Variants in MYOM1 observed in about 807,000 individuals in gnomAD.
MYOM1 encodes myomesin-1.
Under a neutral mutation model 205.3 loss-of-function variants are expected in MYOM1, and 164 were observed. The observed-to-expected ratio is 0.80, with a 90% CI of 0.70 to 0.91. The LOEUF (loss-of-function observed/expected upper bound fraction) is 0.91, where lower values mean the gene tolerates loss of function less well. Ranked by LOEUF, MYOM1 falls within the 40% of genes least tolerant of loss-of-function variation. MYOM1 has a pLI of 0.00. For synonymous variants in MYOM1, 772 were observed against 789.4 expected, an observed-to-expected ratio of 0.98 and a Z score of 0.37; for missense variants, 2,011 against 2,127.3, an observed-to-expected ratio of 0.95 and a Z score of 1.08.
intron 10 of MYOM1, among the ~76,000 whole-genome samples, chr18:3,157,273 C>T (rs1260972811): frequency 6.6e-6 from 1 of 152,184 alleles, no homozygotes; most frequent in African/African-American, 2.4e-5. Context: ...TTGCTTGGAA[C>T]TGAGGTGGGC....
chr18:3,174,763 T>A (rs1441311336), intron 6 of MYOM1, among the ~76,000 whole-genome samples: 1 of 152,100 alleles, frequency 6.6e-6, no homozygotes, highest in Non-Finnish European at 1.5e-5. Context: ...TTGGTCTATG[T>A]GTTCTAGCTT....
chr18:3,084,528 C>T (rs79700713), intron 31 of MYOM1, among the ~76,000 whole-genome samples: 5,663 of 152,240 alleles, frequency 0.037, 140 homozygotes, highest in African/African-American at 0.069. Flanking sequence ...TGTTTGTTAG[C>T]AATATTGTTT....
chr18:3,091,866 G>C (rs1179988082), intron 26 of MYOM1, among the ~76,000 whole-genome samples: 2 of 151,808 alleles, frequency 1.3e-5, no homozygotes, highest in Non-Finnish European at 2.9e-5. Flanking sequence ...TGAGTAGCTG[G>C]GACTACAGGC....
the MYOM1 span, among the ~76,000 whole-genome samples, chr18:3,228,340 G>C: frequency 6.6e-6 from 1 of 152,144 alleles, no homozygotes; most frequent in East Asian, 1.9e-4. This position sits in a 1 kb window ranked among gnomAD's most constrained non-coding sequence, Gnocchi z 4.5. Context: ...GCTGTGGCTG[G>C]AGACACTTAC....
chr18:3,174,060 T>C (rs1368552508), intron 7 of MYOM1, 60 bp from the exon 8 acceptor site: 31 of 1,601,864 alleles, frequency 1.9e-5, no homozygotes, highest in Non-Finnish European at 2.6e-5. Context: ...TTTAAAACCA[T>C]GGGAAGAAAT....
At chr18:3,191,918 A>C (rs9949449) in intron 3 of MYOM1, among the ~76,000 whole-genome samples, 7,463 of 152,090 alleles carry the variant, frequency 0.049, 538 homozygotes, top group African/African-American at 0.16. Context: ...GGATGGTCTC[A>C]ATCTCCTGAC....
chr18:3,136,092 AAGG>A (rs2079957808), intron 14 of MYOM1, among the ~76,000 whole-genome samples: 1 of 148,674 alleles, frequency 6.7e-6, no homozygotes, highest in South Asian at 2.2e-4. Flanking sequence ...ATGGTTTTAT[AAGG>A]AGAAACCTCT....
intron 2 of MYOM1, among the ~76,000 whole-genome samples, chr18:3,203,480 C>T (rs1307225468): frequency 1.3e-5 from 2 of 151,604 alleles, no homozygotes; most frequent in East Asian, 1.9e-4. Flanking sequence ...TTAAGAGGCT[C>T]ACAAAGAAAT....
Position 3,218,871 on chromosome 18 carries a change from C to G in MYOM1, c.-29+932G>C, listed in dbSNP as rs184828408. ...TTACTCTCTTTATTTCTATTTCTCC[C>G]AAATACATTTATTTTTAATAATACT... On this transcript the variant is annotated intron_variant, in intron 1 of 37. Coordinates refer to ENST00000356443, the MANE Select transcript of MYOM1 (RefSeq NM_003803.4). Among the ~76,000 whole-genome samples, 413 of 152,234 alleles carry G rather than the reference C, an allele frequency of 2.7e-3. 10 individuals carry two copies. Among genetic ancestry groups the G allele is most frequent in the East Asian group, 5.8e-4 (3 of 5,186 alleles).
intron 3 of MYOM1, among the ~76,000 whole-genome samples, chr18:3,192,995 G>A (rs891749288): frequency 3.3e-5 from 5 of 152,046 alleles, no homozygotes; most frequent in African/African-American, 1.2e-4. Context: ...CAGGCCAGGT[G>A]TGGTGGCTCA....
intron 36 of MYOM1, 99 bp from the exon 37 acceptor site, chr18:3,071,988 T>C (rs1361584005): frequency 1.0e-6 from 1 of 1,000,430 alleles, no homozygotes; most frequent in Non-Finnish European, 1.5e-6. Context: ...TTTAGTTTCC[T>C]TCTCCTGATA....
chr18:3,211,401 A>G (rs527749664), intron 2 of MYOM1, among the ~76,000 whole-genome samples: 2 of 152,280 alleles, frequency 1.3e-5, no homozygotes, highest in South Asian at 4.1e-4. Flanking sequence ...AAATCCGATG[A>G]AAACTACAGT....
chr18:3,144,298 T>C (rs879537404), intron 13 of MYOM1, among the ~76,000 whole-genome samples: 1 of 152,098 alleles, frequency 6.6e-6, no homozygotes, highest in African/African-American at 2.4e-5. Context: ...AAAAGATGTA[T>C]ATTATAAATT....
At chr18:3,205,813 C>G (rs2081117715) in intron 2 of MYOM1, among the ~76,000 whole-genome samples, 2 of 152,096 alleles carry the variant, frequency 1.3e-5, no homozygotes, top group African/African-American at 4.8e-5. Context: ...CACTGAAATC[C>G]TCACGGGTTT....
chr18:3,215,142 GACTC>G lies in MYOM1; in HGVS notation c.78_81del (p.Ser27ThrfsTer51). 6.2e-7 allele frequency: 1 copy of G among 1,613,856 alleles called. No individual in the cohort carries two copies. Among genetic ancestry groups the G allele is most frequent in the Non-Finnish European group, 8.5e-7 (1 of 1,179,852 alleles). ...GAGCGTTTCTTCTCCCGCTGGTAGT[GACTC>G]ACGGTGCTGCGCACGTCCTTGTTGC... On this transcript the variant is annotated frameshift_variant, in exon 2 of 38. Coordinates refer to ENST00000356443, the MANE Select transcript of MYOM1 (RefSeq NM_003803.4). LOFTEE classifies it high-confidence loss of function.
chr18:3,099,630 GAA>G (rs1397935993), intron 25 of MYOM1, among the ~76,000 whole-genome samples: 1 of 152,120 alleles, frequency 6.6e-6, no homozygotes, highest in Non-Finnish European at 1.5e-5. Flanking sequence ...CTTTTATGTA[GAA>G]GGTGCTTTAT....
At chr18:3,106,362 A>C (rs2079451340) in intron 22 of MYOM1, among the ~76,000 whole-genome samples, 1 of 152,220 alleles carries the variant, frequency 6.6e-6, no homozygotes, top group Admixed American at 6.5e-5. Context: ...TTTTAAATAA[A>C]AGATGTTATT....
chr18:3,081,208 T>A (rs1598651727), intron 33 of MYOM1, among the ~76,000 whole-genome samples: 1 of 152,328 alleles, frequency 6.6e-6, no homozygotes, highest in East Asian at 1.9e-4. Context: ...TTTAAATCTT[T>A]AATCTCTGGG....
rs2079527328 is a variant in MYOM1, at chr18:3,111,542, C to T, written c.3418+756G>A. ...GTGGGCTAAATCTGGCCCATTACCTCTTTTTGCAAGGGCTGCAAGCTAAGA... is the reference window on the plus strand; with the variant it reads ...GTGGGCTAAATCTGGCCCATTACCTTTTTTTGCAAGGGCTGCAAGCTAAGA... On this transcript the variant is annotated intron_variant, in intron 22 of 37. Coordinates refer to ENST00000356443, the MANE Select transcript of MYOM1 (RefSeq NM_003803.4). Among the ~76,000 whole-genome samples the T allele has an allele frequency of 2.0e-5, 3 of 152,196 alleles. No homozygotes were observed. In the South Asian group the frequency reaches 6.2e-4, roughly 32 times the overall value.
Sources: allele counts gnomAD v4.1 joint callset (sites outside exome capture counted in the v4.1 genomes callset), GRCh38; gene constraint gnomAD v4.1.1; non-coding constraint Gnocchi (gnomAD v3.1); transcripts MANE v1.5; gene names NCBI Gene and HGNC (gene_info 2026-07-23, HGNC 2026-07-21).